The following TEX26 variants were observed in gnomAD, a reference collection of about 807,000 sequenced individuals.
The protein encoded by TEX26 is testis expressed 26, also known as testis-expressed protein 26.
A neutral mutation model predicts 35.3 loss-of-function variants in TEX26; 34 were observed. The observed-to-expected ratio is 0.96, with a 90% CI of 0.73 to 1.28. The LOEUF (loss-of-function observed/expected upper bound fraction) is 1.28, where lower values mean the gene tolerates loss of function less well. Among genes scored for constraint, TEX26 ranks in the 50% most tolerant of loss-of-function variants. The pLI, the probability that TEX26 is intolerant of heterozygous loss-of-function variation, is 0.00. For synonymous variants in TEX26, 136 were observed against 111.8 expected, an observed-to-expected ratio of 1.22 and a Z score of -1.36; for missense variants, 371 against 330.1, an observed-to-expected ratio of 1.12 and a Z score of -0.96.
At chr13:30,936,977 A>G in intron 1 of TEX26, 1 of 985,416 alleles carries the variant, frequency 1.0e-6, no homozygotes, top group Non-Finnish European at 1.2e-6. Context: ...ATGGAGGTAA[A>G]AAGCATAGAA....
At chr13:30,941,313 T>C (rs932896942) in intron 2 of TEX26, among the ~76,000 whole-genome samples, 20 of 152,214 alleles carry the variant, frequency 1.3e-4, no homozygotes, top group Non-Finnish European at 1.6e-4. Flanking sequence ...AGTCCGTAAC[T>C]GGGAAATTTT....
chr13:30,961,651 T>G (rs1954349378), intron 4 of TEX26, among the ~76,000 whole-genome samples: 1 of 152,178 alleles, frequency 6.6e-6, no homozygotes, highest in Non-Finnish European at 1.5e-5. Context: ...AAGCTTGCCC[T>G]TTGACTTTTC....
At chr13:30,942,524 G>A (rs918044968) in intron 2 of TEX26, among the ~76,000 whole-genome samples, 1 of 151,728 alleles carries the variant, frequency 6.6e-6, no homozygotes, top group African/African-American at 2.4e-5. Flanking sequence ...GTTAAATTAG[G>A]TCCCATTTAT....
Position 30,957,298 on chromosome 13 carries a change from A to G in TEX26, c.469+269A>G, listed in dbSNP as rs1247632347. 2.6e-5 allele frequency among the ~76,000 whole-genome samples: 4 copies of G among 152,158 alleles called. No individual in the cohort carries two copies. In the East Asian group the frequency reaches 7.7e-4, roughly 29 times the overall value. ...TGCCTGGCCCAAAGGATGAAGAGGA[A>G]TTAGCCAGGCAAAGAGGTAGGGGAG... is the stretch of plus-strand genomic sequence containing the variant. On this transcript the variant is annotated intron_variant, in intron 4 of 6. Transcript: ENST00000380473.
intron 6 of TEX26, among the ~76,000 whole-genome samples, chr13:30,974,131 A>AAAATATATATATATAT: frequency 4.4e-4 from 37 of 84,410 alleles, no homozygotes; most frequent in Non-Finnish European, 6.5e-4. Flanking sequence ...AAAAAAAAAA[A>AAAATATATATATATAT]ATATATATAT....
At position 30,951,394 on chromosome 13, in the gene TEX26, C is replaced by A. The variant is rs529092167; in HGVS notation, c.147-1266C>A. Among the ~76,000 whole-genome samples the A allele has an allele frequency of 3.5e-4, 53 of 151,922 alleles. 2 individuals are homozygous for A. In the Middle Eastern group the frequency reaches 0.038, roughly 109 times the overall value. On this transcript the variant is annotated intron_variant, in intron 2 of 6. Coordinates refer to ENST00000380473, the MANE Select transcript of TEX26 (RefSeq NM_152325.3). ...AAAGCTATTTGTGCTGTGTCCCGTC[C>A]CTTTGGAAACTCTCCAGTTTATATC...
chr13:30,936,111 C>T (rs940054742), intron 1 of TEX26, among the ~76,000 whole-genome samples: 1 of 152,162 alleles, frequency 6.6e-6, no homozygotes, highest in Admixed American at 6.5e-5. Flanking sequence ...TTTGTAGTGT[C>T]ACCATGTGGC....
intron 6 of TEX26, chr13:30,973,269 C>T (rs1249331755): frequency 6.6e-6 from 1 of 152,112 alleles, no homozygotes; most frequent in Non-Finnish European, 1.5e-5. Flanking sequence ...TGAAAGAAGC[C>T]AGACACAAAA....
At chr13:30,951,188 AT>A (rs1244926938) in intron 2 of TEX26, among the ~76,000 whole-genome samples, 1 of 151,966 alleles carries the variant, frequency 6.6e-6, no homozygotes, top group African/African-American at 2.4e-5. Flanking sequence ...ATCTCAAAAA[AT>A]AAAAATAAAA....
intron 2 of TEX26, among the ~76,000 whole-genome samples, chr13:30,941,349 A>T (rs892235945): frequency 5.9e-5 from 9 of 152,222 alleles, no homozygotes; most frequent in Admixed American, 1.3e-4. Context: ...TGAAAGTGCC[A>T]TCTATATAAC....
Position 30,939,770 on chromosome 13 carries a change from C to G in TEX26, c.138C>G (p.Ala46=). Residue 46 remains alanine (A), a synonymous_variant, in exon 2 of 7, where the codon GCC becomes GCG. Coordinates refer to ENST00000380473, the MANE Select transcript of TEX26 (RefSeq NM_152325.3). ...CGCCTAAAACAGGAGCAGTGCCTGCCTTAATTCGGTAGATCATTATTTGTG... is the reference window on the plus strand; with the variant it reads ...CGCCTAAAACAGGAGCAGTGCCTGCGTTAATTCGGTAGATCATTATTTGTG... ...AFTPKTGAVP[A]LIRQNGIRRL... The G allele has an allele frequency of 6.2e-7, 1 of 1,613,568 alleles. No individual in the cohort carries two copies. The highest frequency in any genetic ancestry group is 8.5e-7 in the Non-Finnish European group (1 of 1,179,538).
At position 30,966,348 on chromosome 13, in the gene TEX26, G is replaced by C. The variant is rs138250914; in HGVS notation, c.596G>C (p.Ser199Thr). 3.7e-6 allele frequency: 6 copies of C among 1,607,714 alleles called. No individual in the cohort carries two copies. In the Admixed American group the frequency reaches 5.0e-5, roughly 13 times the overall value. ...AAAATTCCTGAGCTTCAAGATTTCA[G>C]TTTCAAATATGGATGCTACTCAAGC... ...PAKIPELQDF[S>T]FKYGCYSSLP... The change falls in exon 5 of 7, where the codon AGT becomes ACT. Residue 199 changes from serine (S) to threonine (T), a missense_variant. Physicochemically the swap from Ser to Thr is moderately conservative, Grantham distance 58. Coordinates refer to ENST00000380473, the MANE Select transcript of TEX26 (RefSeq NM_152325.3).
At chr13:30,950,526 A>G (rs909564891) in intron 2 of TEX26, among the ~76,000 whole-genome samples, 8 of 152,206 alleles carry the variant, frequency 5.3e-5, no homozygotes, top group Admixed American at 1.3e-4. Flanking sequence ...TAAATGTGGC[A>G]GGAAAGGAGT....
chr13:30,970,699 G>T (rs768757581), intron 6 of TEX26, among the ~76,000 whole-genome samples: 18 of 152,162 alleles, frequency 1.2e-4, no homozygotes, highest in Non-Finnish European at 2.5e-4. Context: ...TCATTTCTCT[G>T]CCTTCATGGA....
chr13:30,959,645 A>T (rs1366506007), intron 4 of TEX26, among the ~76,000 whole-genome samples: 2 of 152,082 alleles, frequency 1.3e-5, no homozygotes, highest in African/African-American at 4.8e-5. Context: ...CTACGTGTTT[A>T]CTTTTCTACA....
chr13:30,968,881 A>G lies in TEX26; in HGVS notation c.647-4A>G, dbSNP rs372020461. 2.8e-5 allele frequency: 45 copies of G among 1,612,702 alleles called. No individual in the cohort carries two copies. In the East Asian group the frequency reaches 8.5e-4, roughly 30 times the overall value. On this transcript the variant is annotated splice_polypyrimidine_tract_variant and splice_region_variant and intron_variant, in intron 5 of 6. Coordinates refer to ENST00000380473, the MANE Select transcript of TEX26 (RefSeq NM_152325.3). ...GACCTCTCCTCCCCTGTGTATTTCT[A>G]TAGTGCCTTCTGTGCTGCACAGCTA...
At chr13:30,958,080 G>A (rs1203991920) in intron 4 of TEX26, among the ~76,000 whole-genome samples, 6 of 152,232 alleles carry the variant, frequency 3.9e-5, no homozygotes, top group Non-Finnish European at 8.8e-5. Flanking sequence ...CTGCTATGCA[G>A]ATTCCCCTGT....
At chr13:30,961,604 C>T (rs780651335) in intron 4 of TEX26, among the ~76,000 whole-genome samples, 8 of 152,206 alleles carry the variant, frequency 5.3e-5, no homozygotes, top group Non-Finnish European at 1.2e-4. Context: ...ACAGAGGAGT[C>T]CTAACTGCAG....
intron 3 of TEX26, among the ~76,000 whole-genome samples, chr13:30,956,015 T>A (rs890193187): frequency 1.6e-4 from 25 of 152,286 alleles, no homozygotes; most frequent in East Asian, 5.8e-4. Context: ...CTCTCTTTTT[T>A]AATTTTATTA....
Sources: gnomAD v4.1 joint callset for allele counts (sites outside exome capture counted in the v4.1 genomes callset) on GRCh38, gnomAD v4.1.1 for gene constraint, MANE v1.5 for transcripts, NCBI Gene and HGNC (gene_info 2026-07-23, HGNC 2026-07-21) for gene names.